Variants in SNTG1 observed in about 807,000 individuals in gnomAD.
SNTG1 encodes gamma-1-syntrophin.
Under a neutral mutation model 74.7 loss-of-function variants are expected in SNTG1, and 39 were observed. The observed-to-expected ratio is 0.52, with a 90% CI of 0.40 to 0.68. SNTG1 has a LOEUF of 0.68. Among genes scored for constraint, SNTG1 ranks in the 30% least tolerant of loss-of-function variants. The pLI, the probability that SNTG1 is intolerant of heterozygous loss-of-function variation, is 0.00. For synonymous variants in SNTG1, 254 were observed against 217.1 expected (o/e 1.17, Z -1.49); for missense variants, 685 against 609.5 (o/e 1.12, Z -1.30).
At chr8:50,246,300 G>A (rs569006387) in intron 2 of SNTG1, among the ~76,000 whole-genome samples, 1 of 151,862 alleles carries the variant, frequency 6.6e-6, no homozygotes, top group Non-Finnish European at 1.5e-5. Context: ...ATCAAAAAGT[G>A]TGTGGAAAAA....
At chr8:50,081,382 T>C (rs1309833005) in intron 1 of SNTG1, among the ~76,000 whole-genome samples, 1 of 152,194 alleles carries the variant, frequency 6.6e-6, no homozygotes, top group East Asian at 1.9e-4. Context: ...GACTACTATG[T>C]GTAGATGTGT....
intron 1 of SNTG1, among the ~76,000 whole-genome samples, chr8:50,113,756 C>T (rs934578836): frequency 4.6e-5 from 7 of 151,948 alleles, no homozygotes; most frequent in African/African-American, 1.7e-4. Context: ...GAGATATGTT[C>T]CATCAATACC....
chr8:50,719,006 T>C (rs1030760273), intron 17 of SNTG1, among the ~76,000 whole-genome samples: 1 of 152,196 alleles, frequency 6.6e-6, no homozygotes, highest in African/African-American at 2.4e-5. Flanking sequence ...ATGTTTACTA[T>C]CCATTGAACT....
At chr8:50,054,837 A>C (rs556564387) in intron 1 of SNTG1, among the ~76,000 whole-genome samples, 2 of 152,028 alleles carry the variant, frequency 1.3e-5, no homozygotes, top group African/African-American at 4.8e-5. Context: ...ATGCCCAGCT[A>C]ATTTCTTATT....
chr8:50,054,954 G>A (rs1211814911), intron 1 of SNTG1, among the ~76,000 whole-genome samples: 1 of 152,012 alleles, frequency 6.6e-6, no homozygotes, highest in Non-Finnish European at 1.5e-5. Flanking sequence ...ATCCCACCTT[G>A]GCCTCTCAAG....
rs779331784 is a variant in SNTG1 at position 50,752,088 on chromosome 8, G to C, written c.1372G>C (p.Asp458His). ...SKIKFLFQNP[D>H]TKQIEAKELE... ...AATCAAATTTTTGTTTCAGAATCCA[G>C]ATACTAAACAGATTGAAGCAAAGGT... Residue 458 changes from aspartate to histidine, a missense_variant, in exon 18 of 19, where the codon GAT (aspartate) becomes CAT (histidine). Coordinates refer to ENST00000642720, the MANE Select transcript of SNTG1 (RefSeq NM_018967.5). 1 of 1,558,244 alleles carries C rather than the reference G, an allele frequency of 6.4e-7. No individual in the cohort carries two copies. The highest frequency in any genetic ancestry group is 8.6e-7 in the Non-Finnish European group (1 of 1,157,192).
At chr8:50,609,184 G>A (rs567481731) in intron 13 of SNTG1, among the ~76,000 whole-genome samples, 3 of 151,902 alleles carry the variant, frequency 2.0e-5, no homozygotes, top group Non-Finnish European at 2.9e-5. Context: ...ATTAGTTTTC[G>A]TTTCTCACAC....
intron 13 of SNTG1, among the ~76,000 whole-genome samples, chr8:50,594,214 C>T (rs2094711825): frequency 6.6e-6 from 1 of 152,174 alleles, no homozygotes; most frequent in African/African-American, 2.4e-5. Flanking sequence ...ACCAGGCCTA[C>T]ATCACACTAC....
Position 50,535,778 on chromosome 8 carries a change from A to G in SNTG1, c.550-900A>G, listed in dbSNP as rs181296117. Among the ~76,000 whole-genome samples the G allele has an allele frequency of 1.5e-3, 231 of 152,354 alleles. 2 individuals carry two copies. The highest frequency in any genetic ancestry group is 0.01 in the Middle Eastern group (3 of 294). On this transcript the variant is annotated intron_variant, in intron 10 of 18. Transcript: ENST00000642720. ...ATGCTTAATAATATTTAGACTTCAC[A>G]GAGTTTCAATATCTAGACTAAAATA... is the stretch of plus-strand genomic sequence containing the variant.
chr8:49,995,056 A>G (rs1483891165), intron 1 of SNTG1, among the ~76,000 whole-genome samples: 1 of 152,202 alleles, frequency 6.6e-6, no homozygotes, highest in Non-Finnish European at 1.5e-5. Flanking sequence ...TTCTTTTAAC[A>G]TGTGAGAATC....
At chr8:50,777,865 A>G (rs1177755263) in intron 18 of SNTG1, among the ~76,000 whole-genome samples, 1 of 151,844 alleles carries the variant, frequency 6.6e-6, no homozygotes, top group African/African-American at 2.4e-5. Context: ...CCCCCACCCG[A>G]CAACAGTCCC....
chr8:50,532,415 C>T (rs1221031302), intron 10 of SNTG1, among the ~76,000 whole-genome samples: 2 of 152,132 alleles, frequency 1.3e-5, no homozygotes, highest in Admixed American at 6.6e-5. Flanking sequence ...TAGACAAAAG[C>T]ATACAATTAA....
At chr8:50,021,060 A>G (rs1273434808) in intron 1 of SNTG1, among the ~76,000 whole-genome samples, 1 of 152,150 alleles carries the variant, frequency 6.6e-6, no homozygotes, top group African/African-American at 2.4e-5. Context: ...TGGGCAGAGG[A>G]GGTGGCATTT....
At chr8:50,537,563 A>T (rs965417278) in intron 11 of SNTG1, among the ~76,000 whole-genome samples, 1 of 152,024 alleles carries the variant, frequency 6.6e-6, no homozygotes, top group African/African-American at 2.4e-5. Context: ...TTGATTTTTT[A>T]AAAATGATTA....
chr8:50,743,436 TAC>T (rs1160113352), intron 17 of SNTG1, among the ~76,000 whole-genome samples: 2 of 151,664 alleles, frequency 1.3e-5, no homozygotes, highest in East Asian at 3.9e-4. Context: ...TACAGAAAAA[TAC>T]ACTTGTCAGA....
intron 1 of SNTG1, among the ~76,000 whole-genome samples, chr8:50,157,259 T>C (rs1447244903): frequency 6.6e-6 from 1 of 152,074 alleles, no homozygotes; most frequent in East Asian, 1.9e-4. Flanking sequence ...AATTAATCTA[T>C]GATGATGAAA....
intron 13 of SNTG1, among the ~76,000 whole-genome samples, chr8:50,617,750 A>G (rs1236399961): frequency 6.6e-6 from 1 of 152,184 alleles, no homozygotes; most frequent in Non-Finnish European, 1.5e-5. Context: ...TGGGGGCTGC[A>G]TGCACCAGTA....
chr8:50,767,463 G>A (rs1360031296), intron 18 of SNTG1, among the ~76,000 whole-genome samples: 1 of 151,874 alleles, frequency 6.6e-6, no homozygotes, highest in African/African-American at 2.4e-5. Flanking sequence ...TCCTCTGATA[G>A]CAAAAATTCA....
At chr8:50,605,757 T>C (rs1055776288) in intron 13 of SNTG1, among the ~76,000 whole-genome samples, 1 of 152,174 alleles carries the variant, frequency 6.6e-6, no homozygotes, top group Admixed American at 6.5e-5. Flanking sequence ...TGATGTGTGG[T>C]TGTTGGTTAA....
Sources: gnomAD v4.1 joint callset for allele counts (sites outside exome capture counted in the v4.1 genomes callset) on GRCh38, gnomAD v4.1.1 for gene constraint, MANE v1.5 for transcripts, NCBI Gene and HGNC (gene_info 2026-07-23, HGNC 2026-07-21) for gene names.